The following SPAG6 variants were observed in gnomAD, a reference collection of about 807,000 sequenced individuals.
SPAG6 encodes the protein sperm associated antigen 6, also known as sperm-associated antigen 6.
SPAG6 carries 49 observed loss-of-function variants against 58.5 expected under a neutral mutation model. The ratio of observed to expected loss-of-function variants is 0.84; its 90% CI spans 0.67 to 1.06. The LOEUF (loss-of-function observed/expected upper bound fraction) is 1.06. SPAG6 is among the 50% of genes least tolerant of loss of function. The probability of loss-of-function intolerance (pLI) is 0.00; values close to 1 mark genes in which losing one functional copy is unlikely to be tolerated. For synonymous variants in SPAG6, 233 were observed against 225.6 expected (o/e 1.03, Z -0.29); for missense variants, 560 against 611.3 (o/e 0.92, Z 0.89).
intron 2 of SPAG6, among the ~76,000 whole-genome samples, chr10:22,358,691 C>A (rs1232883744): frequency 1.3e-5 from 2 of 151,822 alleles, no homozygotes; most frequent in East Asian, 1.9e-4. Context: ...CCTAGGTTTT[C>A]TTCTAGGGTT....
At chr10:22,377,271 G>A (rs1463641303) in intron 4 of SPAG6, among the ~76,000 whole-genome samples, 2 of 152,150 alleles carry the variant, frequency 1.3e-5, no homozygotes, top group Non-Finnish European at 2.9e-5. Context: ...CCCAAGGTGG[G>A]CCTTCAGGCG....
In SPAG6 at chr10:22,368,697, G is replaced by A. The variant is rs1006025010; in HGVS notation, c.472+19G>A. 6 of 1,567,024 alleles carry A rather than the reference G, an allele frequency of 3.8e-6. No individual in the cohort carries two copies. In the African/African-American group the frequency reaches 6.8e-5, roughly 18 times the overall value. On this transcript the variant is annotated intron_variant, in intron 4 of 10. Transcript: ENST00000376624. Reference sequence around the variant, plus strand: ...AATGCAGGTAATTTAAAATATGCAGGAGCATATTTTAAAATAGGATTATTA... The same window carrying A: ...AATGCAGGTAATTTAAAATATGCAGAAGCATATTTTAAAATAGGATTATTA...
chr10:22,384,073 C>G (rs1163123968), intron 4 of SPAG6, among the ~76,000 whole-genome samples: 1 of 152,160 alleles, frequency 6.6e-6, no homozygotes, highest in Non-Finnish European at 1.5e-5. Flanking sequence ...AAGGGCAGTT[C>G]CAAAGCTGGT....
intron 4 of SPAG6, among the ~76,000 whole-genome samples, chr10:22,377,122 T>A (rs890097927): frequency 6.6e-6 from 1 of 151,978 alleles, no homozygotes; most frequent in Admixed American, 6.5e-5. Flanking sequence ...CTTGGGCCAC[T>A]TGCTCTAGGG....
chr10:22,370,546 T>C (rs904765704), intron 4 of SPAG6, among the ~76,000 whole-genome samples: 3 of 152,170 alleles, frequency 2.0e-5, no homozygotes, highest in African/African-American at 7.2e-5. Flanking sequence ...AAGAAAAACT[T>C]CAAAACAGAA....
At chr10:22,415,339 C>G (rs1251727738) in intron 10 of SPAG6, among the ~76,000 whole-genome samples, 3 of 151,202 alleles carry the variant, frequency 2.0e-5, no homozygotes, top group African/African-American at 4.8e-5. Context: ...AAAAATCTAC[C>G]TCTTGAATTC....
In SPAG6 at chr10:22,386,909, G is replaced by A; in HGVS notation, c.628G>A (p.Ala210Thr). 1 of 1,613,814 alleles carries A rather than the reference G, an allele frequency of 6.2e-7. No individual in the cohort carries two copies. Among genetic ancestry groups the A allele is most frequent in the Non-Finnish European group, 8.5e-7 (1 of 1,179,802 alleles). Residue 210 changes from alanine (A) to threonine (T), a missense_variant, in exon 5 of 11, where the codon GCT (alanine) becomes ACT (threonine). Ala to Thr is a moderately conservative substitution (Grantham distance 58). Coordinates refer to ENST00000376624, the MANE Select transcript of SPAG6 (RefSeq NM_012443.4). ...ELAQTVVDAG[A>T]VAHLAQMILN... ...AGCACAGACAGTAGTGGATGCAGGA[G>A]CTGTTGCTCATTTAGCCCAGATGAT...
At chr10:22,354,450 C>T (rs1372298274) in intron 2 of SPAG6, among the ~76,000 whole-genome samples, 1 of 152,136 alleles carries the variant, frequency 6.6e-6, no homozygotes, top group East Asian at 1.9e-4. Context: ...CTGAGATATC[C>T]ATGCGTCAGT....
chr10:22,364,780 A>C, intron 2 of SPAG6, 73 bp from the exon 3 acceptor site: 2 of 1,097,882 alleles, frequency 1.8e-6, no homozygotes, highest in East Asian at 2.4e-5. Flanking sequence ...TACTGTCTGC[A>C]TATATACTGA....
chr10:22,351,115 C>T (rs567598734), intron 2 of SPAG6, among the ~76,000 whole-genome samples: 50 of 152,262 alleles, frequency 3.3e-4, no homozygotes, highest in African/African-American at 1.1e-3. Flanking sequence ...ATTTGAGTAC[C>T]AATGGCTGTC....
intron 6 of SPAG6, 129 bp downstream of exon 6, chr10:22,388,125 T>C: frequency 1.4e-6 from 1 of 720,448 alleles, no homozygotes; most frequent in Admixed American, 3.0e-5. Flanking sequence ...TCTCGTCTTC[T>C]ACTGATGTTT....
chr10:22,360,095 CA>C (rs1294903150), intron 2 of SPAG6, among the ~76,000 whole-genome samples: 1 of 152,048 alleles, frequency 6.6e-6, no homozygotes, highest in Non-Finnish European at 1.5e-5. Flanking sequence ...TGTGTTATAA[CA>C]AATTAAATGA....
chr10:22,383,039 T>C (rs72814839), intron 4 of SPAG6, among the ~76,000 whole-genome samples: 1,591 of 152,314 alleles, frequency 0.01, 12 homozygotes, highest in Non-Finnish European at 0.016. Context: ...CACATATTAT[T>C]GTGTAATGGA....
intron 3 of SPAG6, among the ~76,000 whole-genome samples, chr10:22,366,188 A>G (rs1837196064): frequency 6.6e-6 from 1 of 152,248 alleles, no homozygotes; most frequent in Non-Finnish European, 1.5e-5. Context: ...ATGAACGGGT[A>G]AACAAAATGT....
At chr10:22,368,461 T>A in intron 3 of SPAG6, 34 bp from the exon 4 acceptor site, 1 of 1,585,682 alleles carries the variant, frequency 6.3e-7, no homozygotes, top group Non-Finnish European at 8.6e-7. Flanking sequence ...AAGTACTCAA[T>A]TCATTTTGAG....
chr10:22,369,064 A>AGTTAGTC (rs1392989917), intron 4 of SPAG6, among the ~76,000 whole-genome samples: 5 of 152,176 alleles, frequency 3.3e-5, no homozygotes, highest in African/African-American at 1.2e-4. Flanking sequence ...AAATTATTTT[A>AGTTAGTC]GTTAGTCACC....
chr10:22,347,921 TACAG>T (rs1342420749), intron 2 of SPAG6, among the ~76,000 whole-genome samples: 1 of 152,242 alleles, frequency 6.6e-6, no homozygotes, highest in Non-Finnish European at 1.5e-5. Context: ...CAATTTTAAA[TACAG>T]ACATAATGAA....
intron 2 of SPAG6, among the ~76,000 whole-genome samples, chr10:22,346,685 A>G (rs879684734): frequency 1.7e-4 from 26 of 152,124 alleles, no homozygotes; most frequent in Admixed American, 1.7e-3. Flanking sequence ...TAACATGTTG[A>G]CAGCAAGAAT....
intron 8 of SPAG6, among the ~76,000 whole-genome samples, chr10:22,398,873 C>T (rs1834351173): frequency 2.0e-5 from 3 of 151,974 alleles, no homozygotes; most frequent in African/African-American, 7.3e-5. Context: ...GGCTGGAGTG[C>T]AATGGCACAA....
Sources: allele counts gnomAD v4.1 joint callset (sites outside exome capture counted in the v4.1 genomes callset), GRCh38; gene constraint gnomAD v4.1.1; transcripts MANE v1.5; gene names NCBI Gene and HGNC (gene_info 2026-07-23, HGNC 2026-07-21).